THSD7A: variants seen among roughly 807,000 people sequenced by gnomAD.
THSD7A encodes the protein thrombospondin type-1 domain-containing protein 7A.
THSD7A carries 96 observed loss-of-function variants against 231.3 expected under a neutral mutation model. That is an observed-to-expected ratio of 0.41 (90% confidence interval 0.35 to 0.49). The LOEUF (loss-of-function observed/expected upper bound fraction) is 0.49, where lower values mean the gene tolerates loss of function less well. Ranked by LOEUF, THSD7A falls within the 20% of genes least tolerant of loss-of-function variation. THSD7A has a pLI of 0.05. For missense variants in THSD7A, 2,290 were observed against 2,070.2 expected (o/e 1.11, Z -2.06); for synonymous variants, 940 against 743.3 (o/e 1.26, Z -4.30).
intron 26 of THSD7A, 91 bp from the exon 27 acceptor site, chr7:11,376,748 C>T (rs1782290717): frequency 1.1e-6 from 1 of 885,292 alleles, no homozygotes; most frequent in Middle Eastern, 2.3e-4. Context: ...TCATATATGA[C>T]CAATTTCTTT....
intron 24 of THSD7A, among the ~76,000 whole-genome samples, chr7:11,380,578 A>G (rs2115297378): frequency 6.6e-6 from 1 of 152,298 alleles, no homozygotes; most frequent in Middle Eastern, 3.4e-3. Context: ...TGTCACAGAA[A>G]AGCAGTTAGT....
chr7:11,746,285 T>G (rs1782299988), intron 1 of THSD7A, among the ~76,000 whole-genome samples: 1 of 151,916 alleles, frequency 6.6e-6, no homozygotes, highest in South Asian at 2.1e-4. Flanking sequence ...AAAGTTAACA[T>G]TTTAGCAAAA....
chr7:11,515,605 A>G (rs901804564), intron 6 of THSD7A, among the ~76,000 whole-genome samples: 2 of 152,156 alleles, frequency 1.3e-5, no homozygotes, highest in African/African-American at 2.4e-5. Context: ...CCAAACACAC[A>G]GCTATTGTCA....
At chr7:11,391,844 G>C (rs1454832668) in intron 23 of THSD7A, among the ~76,000 whole-genome samples, 2 of 152,044 alleles carry the variant, frequency 1.3e-5, no homozygotes, top group Non-Finnish European at 2.9e-5. Flanking sequence ...CCCTTGGCTA[G>C]GGCAGGGAAT....
chr7:11,709,197 C>T (rs1184465836), intron 1 of THSD7A, among the ~76,000 whole-genome samples: 1 of 150,802 alleles, frequency 6.6e-6, no homozygotes, highest in Non-Finnish European at 1.5e-5. Flanking sequence ...TGTGAGCTCT[C>T]TGCTCATGCT....
At chr7:11,405,153 T>TC (rs1486164885) in intron 22 of THSD7A, among the ~76,000 whole-genome samples, 1 of 8,388 alleles carries the variant, frequency 1.2e-4, no homozygotes, top group Non-Finnish European at 2.5e-4. Context: ...TCTCAAATGA[T>TC]TTTTTTTTTT....
chr7:11,794,150 T>C (rs977811118), intron 1 of THSD7A, among the ~76,000 whole-genome samples: 2 of 151,954 alleles, frequency 1.3e-5, no homozygotes, highest in African/African-American at 2.4e-5. Flanking sequence ...TAAGTAAACA[T>C]ACAGGGCAGG....
At chr7:11,660,842 G>A (rs958353565) in intron 1 of THSD7A, among the ~76,000 whole-genome samples, 1 of 151,398 alleles carries the variant, frequency 6.6e-6, no homozygotes, top group African/African-American at 2.4e-5. Context: ...GAGACCAAAC[G>A]TCCCAAGGAG....
At chr7:11,769,498 T>C (rs1338006495) in intron 1 of THSD7A, among the ~76,000 whole-genome samples, 1 of 152,080 alleles carries the variant, frequency 6.6e-6, no homozygotes, top group Non-Finnish European at 1.5e-5. Flanking sequence ...TGAGTTTAAC[T>C]AGATATTTAT....
Position 11,832,139 on chromosome 7 carries a change from T to TGCCGCCGCCGCCGCC in THSD7A, c.-208_-194dup. 1 of 332,460 alleles carries TGCCGCCGCCGCCGCC rather than the reference T, an allele frequency of 3.0e-6. No individual in the cohort carries two copies. Among genetic ancestry groups the TGCCGCCGCCGCCGCC allele is most frequent in the East Asian group, 5.1e-5 (1 of 19,660 alleles). 20.6% of individuals were successfully genotyped at this position (332,460 alleles called of 1,614,324 possible). ...CGTCCGCGGTGGTGGCCGTGGCCGC[T>TGCCGCCGCCGCCGCC]GCCGCCGCCGCCGCCGCCTCTGGCG... is the stretch of plus-strand genomic sequence containing the variant. On this transcript the variant is annotated 5_prime_UTR_variant, in exon 1 of 28. Transcript: ENST00000423059.
chr7:11,704,348 T>C (rs1780695708), intron 1 of THSD7A, among the ~76,000 whole-genome samples: 1 of 151,090 alleles, frequency 6.6e-6, no homozygotes, highest in South Asian at 2.1e-4. Flanking sequence ...GTATATATAC[T>C]GAAATATTTC....
At position 11,636,607 on chromosome 7, in the gene THSD7A, A is replaced by G. The variant is rs754991357; in HGVS notation, c.545T>C (p.Leu182Pro). Residue 182 changes from leucine (L) to proline (P), a missense_variant, in exon 2 of 28, where the codon CTC becomes CCC. By Grantham distance (98) the Leu-to-Pro change is moderately conservative. Coordinates refer to ENST00000423059, the MANE Select transcript of THSD7A (RefSeq NM_015204.3). The surrounding 1 kb of genome is among the most constrained non-coding windows in gnomAD (Gnocchi z 10.0). ...AGGAATGAGGCAAGCCTGCTCCAGG[A>G]GAGGCTTGGGCTCAAAGTACTCACA... ...IICEYFEPKP[L>P]LEQACLIPCQ... 3 of 1,614,026 alleles carry G rather than the reference A, an allele frequency of 1.9e-6. No homozygotes were observed. The highest frequency in any genetic ancestry group is 2.7e-5 in the African/African-American group (2 of 75,044).
chr7:11,824,030 G>C (rs946600141), intron 1 of THSD7A, among the ~76,000 whole-genome samples: 2 of 151,970 alleles, frequency 1.3e-5, no homozygotes, highest in African/African-American at 4.8e-5. Context: ...CAATTCTACT[G>C]TGACAACATT....
chr7:11,490,155 T>C (rs1278866659), intron 6 of THSD7A, among the ~76,000 whole-genome samples: 2 of 152,096 alleles, frequency 1.3e-5, no homozygotes, highest in South Asian at 2.1e-4. Flanking sequence ...GTCTTCCTTC[T>C]TCTGATAGCA....
At chr7:11,739,619 A>C (rs1782037673) in intron 1 of THSD7A, among the ~76,000 whole-genome samples, 1 of 151,698 alleles carries the variant, frequency 6.6e-6, no homozygotes, top group Admixed American at 6.6e-5. Context: ...GGGTCTCACT[A>C]TGTTCCCAGG....
chr7:11,648,635 G>GGTGTGTGT (rs1562441338), intron 1 of THSD7A, among the ~76,000 whole-genome samples: 1 of 62,014 alleles, frequency 1.6e-5, no homozygotes, highest in African/African-American at 5.8e-5. Flanking sequence ...TCTATTTTGT[G>GGTGTGTGT]GCGTGTGTGT....
In THSD7A at chr7:11,447,164, A is replaced by T. The variant is rs562141248; in HGVS notation, c.2800+66T>A. 1.9e-5 allele frequency: 28 copies of T among 1,460,158 alleles called. 2 individuals carry two copies. In the South Asian group the frequency reaches 3.2e-4, roughly 17 times the overall value. 90.5% of individuals were successfully genotyped at this position (1,460,158 alleles called of 1,614,324 possible). On this transcript the variant is annotated intron_variant, in intron 12 of 27. Coordinates refer to ENST00000423059, the MANE Select transcript of THSD7A (RefSeq NM_015204.3). ...TCAAATACACTGTCAGAATTCTCTC[A>T]GTCTGACTTGTATTATGTTCCTCTA... is the stretch of plus-strand genomic sequence containing the variant.
intron 1 of THSD7A, among the ~76,000 whole-genome samples, chr7:11,745,480 T>A (rs1003613599): frequency 6.6e-6 from 1 of 152,154 alleles, no homozygotes; most frequent in Non-Finnish European, 1.5e-5. Flanking sequence ...TGGCTTTTGT[T>A]GCCCTTGCTT....
At chr7:11,690,934 G>A (rs1038499484) in intron 1 of THSD7A, among the ~76,000 whole-genome samples, 17 of 151,646 alleles carry the variant, frequency 1.1e-4, no homozygotes, top group Non-Finnish European at 2.4e-4. Flanking sequence ...AAAGAAAAAT[G>A]TTGAGGTGGT....
Sources: allele counts gnomAD v4.1 joint callset (sites outside exome capture counted in the v4.1 genomes callset), GRCh38; gene constraint gnomAD v4.1.1; non-coding constraint Gnocchi (gnomAD v3.1); transcripts MANE v1.5; gene names NCBI Gene and HGNC (gene_info 2026-07-23, HGNC 2026-07-21).